ABCC11: variants seen among roughly 807,000 people sequenced by gnomAD.
ABCC11 encodes ATP binding cassette subfamily C member 11.
ABCC11 carries 135 observed loss-of-function variants against 149.3 expected under a neutral mutation model. The ratio of observed to expected loss-of-function variants is 0.90; its 90% CI spans 0.79 to 1.04. ABCC11 has a LOEUF of 1.04. ABCC11 is among the 50% of genes least tolerant of loss of function. The pLI, the probability that ABCC11 is intolerant of heterozygous loss-of-function variation, is 0.00. For missense variants in ABCC11, 1,680 were observed against 1,722.1 expected, an observed-to-expected ratio of 0.98 and a Z score of 0.43; for synonymous variants, 665 against 671.4, an observed-to-expected ratio of 0.99 and a Z score of 0.15.
At chr16:48,181,647 G>C (rs1159186393) in intron 23 of ABCC11, among the ~76,000 whole-genome samples, 2 of 148,520 alleles carry the variant, frequency 1.3e-5, no homozygotes, top group Non-Finnish European at 3.0e-5. Context: ...GTCTCGCTCT[G>C]TCACCCAGGC....
chr16:48,198,382 A>G (rs1232870674), intron 15 of ABCC11, 107 bp from the exon 16 acceptor site: 6 of 1,207,696 alleles, frequency 5.0e-6, no homozygotes, highest in Non-Finnish European at 6.9e-6. Flanking sequence ...ATATTATTTC[A>G]TACCAACAGA....
intron 2 of ABCC11, among the ~76,000 whole-genome samples, chr16:48,230,915 AC>A (rs2150919652): frequency 6.6e-6 from 1 of 152,330 alleles, no homozygotes; most frequent in Non-Finnish European, 1.5e-5. Flanking sequence ...CTAAAAAGAA[AC>A]CAACAAGTAA....
At chr16:48,203,734 G>T (rs1968198095) in intron 13 of ABCC11, among the ~76,000 whole-genome samples, 1 of 152,116 alleles carries the variant, frequency 6.6e-6, no homozygotes, top group African/African-American at 2.4e-5. Context: ...TGGGCGTGCT[G>T]GTGCGTGCCT....
intron 14 of ABCC11, among the ~76,000 whole-genome samples, chr16:48,201,474 C>CTTT (rs560323114): frequency 4.5e-4 from 56 of 123,444 alleles, no homozygotes; most frequent in Admixed American, 6.2e-4. Context: ...TTTTCTTTTT[C>CTTT]TTTTTTTTTT....
chr16:48,199,358 A>T (rs1418110288), intron 15 of ABCC11, among the ~76,000 whole-genome samples: 3 of 152,028 alleles, frequency 2.0e-5, no homozygotes, highest in African/African-American at 7.2e-5. Flanking sequence ...GTTTTTATTA[A>T]TTATTTTCTA....
In ABCC11 at chr16:48,167,296, G is replaced by A. The variant is rs1031649848; in HGVS notation, c.4127C>T (p.Thr1376Ile). ...TCCTTATCTCAGTGAAGAAGTGGCT[G>A]TGGCCATGAGGGCTGCGAACAATGA... ...PGSLFAALMA[T>I]ATSSLR The change falls in exon 30 of 30, where the codon ACA (threonine) becomes ATA (isoleucine). Residue 1376 changes from threonine (T) to isoleucine (I), a missense_variant. By Grantham distance (89) the Thr-to-Ile change is moderately conservative (BLOSUM62 -1). Coordinates refer to ENST00000356608, the MANE Select transcript of ABCC11 (RefSeq NM_001370497.1). 2 of 841,208 alleles carry A rather than the reference G, an allele frequency of 2.4e-6. No homozygotes were observed. The highest frequency in any genetic ancestry group is 1.7e-5 in the African/African-American group (1 of 60,196). The allele number at this position is 841,208 out of a possible 1,614,324, so 52.1% of individuals were successfully genotyped here.
intron 23 of ABCC11, among the ~76,000 whole-genome samples, chr16:48,181,826 G>A (rs1966454956): frequency 6.6e-6 from 1 of 152,130 alleles, no homozygotes; most frequent in African/African-American, 2.4e-5. Flanking sequence ...TGTTAGCCAG[G>A]ATAGTCTCGA....
chr16:48,198,425 G>T, intron 15 of ABCC11, 150 bp from the exon 16 acceptor site: 1 of 884,028 alleles, frequency 1.1e-6, no homozygotes, highest in Non-Finnish European at 1.7e-6. Context: ...ACAACTCCAA[G>T]TGTTGGTGAT....
chr16:48,200,334 T>C lies in ABCC11; in HGVS notation c.2024A>G (p.Glu675Gly). Residue 675 changes from glutamate (E) to glycine (G), a missense_variant, in exon 15 of 30, where the codon GAG (glutamate) becomes GGG (glycine). By Grantham distance (98) the Glu-to-Gly change is moderately conservative (BLOSUM62 -2). Transcript: ENST00000356608. ...CCCCCTGAGTGTCTTCTTAATGCAC[T>C]CCTCAAAAATGTGCTTCCCCACGTG... ...DAHVGKHIFE[E>G]CIKKTLRGKT... The C allele has an allele frequency of 6.2e-7, 1 of 1,614,194 alleles. No homozygotes were observed. Among genetic ancestry groups the C allele is most frequent in the Non-Finnish European group, 8.5e-7 (1 of 1,180,024 alleles).
intron 12 of ABCC11, among the ~76,000 whole-genome samples, chr16:48,207,535 C>T (rs1254099751): frequency 3.3e-5 from 5 of 151,926 alleles, no homozygotes; most frequent in East Asian, 1.9e-4. Context: ...GGCATGGTGG[C>T]GCATGCCTGT....
At chr16:48,203,193 A>T in intron 14 of ABCC11, 35 bp downstream of exon 14, 1 of 1,533,102 alleles carries the variant, frequency 6.5e-7, no homozygotes, top group East Asian at 2.4e-5. Context: ...GAGCACCAAC[A>T]TTACACAGAG....
At chr16:48,213,227 C>A (rs1857262803) in intron 10 of ABCC11, among the ~76,000 whole-genome samples, 1 of 152,252 alleles carries the variant, frequency 6.6e-6, no homozygotes, top group African/African-American at 2.4e-5. Context: ...GGTTTGGACA[C>A]ACTATCCTAA....
chr16:48,175,336 C>T lies in ABCC11; in HGVS notation c.3620G>A (p.Cys1207Tyr), dbSNP rs1271174071. 2 of 1,614,074 alleles carry T rather than the reference C, an allele frequency of 1.2e-6. No individual in the cohort carries two copies. Among genetic ancestry groups the T allele is most frequent in the African/African-American group, 2.7e-5 (2 of 74,954 alleles). Residue 1207 changes from cysteine to tyrosine, a missense_variant, in exon 26 of 30, where the codon TGC becomes TAC. Coordinates refer to ENST00000356608, the MANE Select transcript of ABCC11 (RefSeq NM_001370497.1). ...GRILIDGVDI[C>Y]SIGLEDLRSK... Reference sequence around the variant, plus strand: ...CCGCAAGTCCTCCAGGCCGATGCTGCAAATGTCCACGCCGTCAATGAGAAT... The same window carrying T: ...CCGCAAGTCCTCCAGGCCGATGCTGTAAATGTCCACGCCGTCAATGAGAAT...
chr16:48,222,536 C>A, intron 6 of ABCC11, 62 bp downstream of exon 6: 1 of 1,416,814 alleles, frequency 7.1e-7, no homozygotes, highest in Non-Finnish European at 9.9e-7. Context: ...GCCCCCAGGG[C>A]AGTTATGTCC....
At chr16:48,243,076 G>GAA (rs200926675) in intron 1 of ABCC11, among the ~76,000 whole-genome samples, 19,664 of 148,350 alleles carry the variant, frequency 0.13, 1,586 homozygotes, top group African/African-American at 0.24. Flanking sequence ...ATTAAAAACA[G>GAA]AAAAAAAATA....
At position 48,170,211 on chromosome 16, in the gene ABCC11, T is replaced by C. The variant is rs1250342169; in HGVS notation, c.3785A>G (p.Lys1262Arg). The stretch of plus-strand genomic sequence containing the variant: ...ATCTGTATGCAGCTTTTTGGGGAAC[T>C]TTGAGATCTGCGATATGGGAAGAAG... ...ERTFLTKAIS[K>R]FPKKLHTDVV... is the part of the protein sequence containing the mutation. Residue 1262 changes from lysine (K) to arginine (R), a missense_variant, in exon 28 of 30, where the codon AAG becomes AGG. Physicochemically the swap from Lys to Arg is conservative, Grantham distance 26. Coordinates refer to ENST00000356608, the MANE Select transcript of ABCC11 (RefSeq NM_001370497.1). 6.2e-7 allele frequency: 1 copy of C among 1,613,180 alleles called. No homozygotes were observed.
intron 19 of ABCC11, 82 bp from the exon 20 acceptor site, chr16:48,192,799 T>C (rs377073071): frequency 7.4e-7 from 1 of 1,356,846 alleles, no homozygotes. Flanking sequence ...TGGGGCCACG[T>C]GAGAATCTGT....
chr16:48,202,188 A>G (rs1968044035), intron 14 of ABCC11, among the ~76,000 whole-genome samples: 1 of 152,154 alleles, frequency 6.6e-6, no homozygotes, highest in South Asian at 2.1e-4. Flanking sequence ...CCTCAAAGCA[A>G]TCCGATCAGG....
chr16:48,204,317 G>T (rs1968251006), intron 13 of ABCC11, among the ~76,000 whole-genome samples: 1 of 152,200 alleles, frequency 6.6e-6, no homozygotes, highest in Non-Finnish European at 1.5e-5. Flanking sequence ...CTTACGCGGG[G>T]TGGAACAGAG....
Sources: allele counts gnomAD v4.1 joint callset (sites outside exome capture counted in the v4.1 genomes callset), GRCh38; gene constraint gnomAD v4.1.1; transcripts MANE v1.5; gene names NCBI Gene and HGNC (gene_info 2026-07-23, HGNC 2026-07-21).